CSMD3: variants seen among roughly 807,000 people sequenced by gnomAD.
The protein encoded by CSMD3 is CUB and sushi domain-containing protein 3.
Under a neutral mutation model 435.2 loss-of-function variants are expected in CSMD3, and 177 were observed. That is an observed-to-expected ratio of 0.41 (90% CI 0.36 to 0.46). The LOEUF is 0.46. CSMD3 is among the 20% of genes least tolerant of loss of function. The probability of loss-of-function intolerance (pLI) is 0.34; values close to 1 mark genes in which losing one functional copy is unlikely to be tolerated. For synonymous variants in CSMD3, 1,656 were observed against 1,520.5 expected (o/e 1.09, Z -2.07); for missense variants, 4,265 against 4,504.6 (o/e 0.95, Z 1.52).
At chr8:113,306,981 G>GA (rs200870971) in intron 2 of CSMD3, among the ~76,000 whole-genome samples, 23 of 148,334 alleles carry the variant, frequency 1.6e-4, no homozygotes, top group Admixed American at 9.4e-4. Flanking sequence ...AACGTATCAA[G>GA]AAAAAAAAAT....
At chr8:112,536,084 G>C (rs148993213) in intron 27 of CSMD3, among the ~76,000 whole-genome samples, 2,709 of 152,278 alleles carry the variant, frequency 0.018, 25 homozygotes, top group Non-Finnish European at 0.025. Flanking sequence ...AGAAAACTTA[G>C]GCATTAGCAT....
Position 112,726,976 on chromosome 8 carries a change from C to A in CSMD3, c.1973-36926G>T, listed in dbSNP as rs568642341. ...TTTCTCAATATAGTTCATGACCAAGCAAAGAATTCTAAAAAATAAAGACAA... is the reference window on the plus strand; with the variant it reads ...TTTCTCAATATAGTTCATGACCAAGAAAAGAATTCTAAAAAATAAAGACAA... On this transcript the variant is annotated intron_variant, in intron 13 of 70. Coordinates refer to ENST00000297405, the MANE Select transcript of CSMD3 (RefSeq NM_198123.2). Among the ~76,000 whole-genome samples, 32 of 151,644 alleles carry A rather than the reference C, an allele frequency of 2.1e-4. No individual in the cohort carries two copies. In the South Asian group the frequency reaches 6.4e-3, roughly 31 times the overall value.
chr8:113,262,227 C>A (rs1213623325), intron 3 of CSMD3, among the ~76,000 whole-genome samples: 1 of 151,628 alleles, frequency 6.6e-6, no homozygotes, highest in Non-Finnish European at 1.5e-5. Flanking sequence ...ATTTTTGCCC[C>A]CAAAATTTAT....
intron 52 of CSMD3, among the ~76,000 whole-genome samples, chr8:112,302,524 T>G (rs61189440): frequency 0.19 from 29,064 of 151,988 alleles, 3,185 homozygotes; most frequent in Middle Eastern, 0.35. Flanking sequence ...TTGAAGAAAA[T>G]AAATTTAACT....
At chr8:112,791,317 G>C (rs2078683985) in intron 13 of CSMD3, among the ~76,000 whole-genome samples, 1 of 34,152 alleles carries the variant, frequency 2.9e-5, no homozygotes, top group East Asian at 1.1e-3. Context: ...GGCATATCCT[G>C]TGAAAAAAAA....
intron 59 of CSMD3, among the ~76,000 whole-genome samples, chr8:112,271,854 CT>C (rs534197946): frequency 2.5e-4 from 38 of 152,260 alleles, no homozygotes; most frequent in African/African-American, 8.7e-4. Context: ...TTTAATATCT[CT>C]TCAAAATTCA....
At chr8:112,417,803 T>C (rs1395741631) in intron 32 of CSMD3, among the ~76,000 whole-genome samples, 1 of 152,148 alleles carries the variant, frequency 6.6e-6, no homozygotes, top group Non-Finnish European at 1.5e-5. Flanking sequence ...TCCCTCAATC[T>C]TAATTCCTTC....
chr8:112,421,519 C>T (rs1311289855), intron 32 of CSMD3, among the ~76,000 whole-genome samples: 4 of 148,474 alleles, frequency 2.7e-5, no homozygotes, highest in African/African-American at 7.5e-5. Context: ...ACTCCAGCCT[C>T]GGTGATAGAG....
chr8:112,715,670 C>G (rs375495370), intron 13 of CSMD3, among the ~76,000 whole-genome samples: 2 of 152,214 alleles, frequency 1.3e-5, no homozygotes, highest in East Asian at 3.9e-4. Context: ...AAGTGAAACA[C>G]CTCAATAAAA....
intron 22 of CSMD3, among the ~76,000 whole-genome samples, chr8:112,598,440 T>C (rs1176013616): frequency 1.4e-5 from 2 of 146,660 alleles, no homozygotes; most frequent in South Asian, 4.4e-4. Context: ...ATGGCCATAC[T>C]GCCCAAGGTA....
intron 67 of CSMD3, 132 bp downstream of exon 67, chr8:112,237,058 A>G: frequency 1.0e-6 from 1 of 989,930 alleles, no homozygotes; most frequent in South Asian, 1.4e-5. Context: ...TTCTGAGTGA[A>G]TATGAATGTC....
At chr8:113,058,054 A>C (rs1254793250) in intron 5 of CSMD3, among the ~76,000 whole-genome samples, 2 of 151,898 alleles carry the variant, frequency 1.3e-5, no homozygotes, top group Non-Finnish European at 1.5e-5. Flanking sequence ...AGGATTTTTA[A>C]AACTGAATAT....
intron 1 of CSMD3, among the ~76,000 whole-genome samples, chr8:113,426,989 G>C (rs753281566): frequency 1.5e-4 from 22 of 151,328 alleles, no homozygotes; most frequent in South Asian, 8.3e-4. Flanking sequence ...AATGCAATAA[G>C]TATATCCTAT....
intron 38 of CSMD3, among the ~76,000 whole-genome samples, chr8:112,359,417 T>C (rs923665587): frequency 1.2e-4 from 18 of 152,184 alleles, no homozygotes; most frequent in African/African-American, 4.3e-4. Flanking sequence ...CATCTGAGAA[T>C]GAAAGCTCCA....
chr8:112,966,124 T>C (rs377561896), intron 7 of CSMD3, among the ~76,000 whole-genome samples: 7 of 151,708 alleles, frequency 4.6e-5, no homozygotes, highest in African/African-American at 1.7e-4. Context: ...ATGTTGACAT[T>C]CCCCTATTTT....
At chr8:113,378,581 G>A (rs78480482) in intron 1 of CSMD3, among the ~76,000 whole-genome samples, 275 of 152,264 alleles carry the variant, frequency 1.8e-3, no homozygotes, top group South Asian at 9.7e-3. Flanking sequence ...AGAAAGAGAA[G>A]AAGGCAGCCA....
At chr8:112,594,652 C>T (rs1166937627) in intron 22 of CSMD3, among the ~76,000 whole-genome samples, 4 of 152,172 alleles carry the variant, frequency 2.6e-5, no homozygotes, top group East Asian at 1.9e-4. Context: ...TCTCCCAGCA[C>T]GCAGCTGGAG....
chr8:113,110,688 T>C (rs1479352629), intron 4 of CSMD3, among the ~76,000 whole-genome samples: 1 of 152,220 alleles, frequency 6.6e-6, no homozygotes, highest in East Asian at 1.9e-4. Flanking sequence ...TTCACAGTAA[T>C]GCAGGCTTTT....
At chr8:112,613,879 T>G (rs1833460985) in intron 22 of CSMD3, among the ~76,000 whole-genome samples, 1 of 152,126 alleles carries the variant, frequency 6.6e-6, no homozygotes, top group Non-Finnish European at 1.5e-5. Flanking sequence ...TCCCAGCACT[T>G]TGGGAGTCCA....
Sources: allele counts gnomAD v4.1 joint callset (sites outside exome capture counted in the v4.1 genomes callset), GRCh38; gene constraint gnomAD v4.1.1; transcripts MANE v1.5; gene names NCBI Gene and HGNC (gene_info 2026-07-23, HGNC 2026-07-21).